Variants in TRABD observed in about 807,000 individuals in gnomAD.
TRABD encodes the protein traB domain-containing protein.
TRABD carries 23 observed loss-of-function variants against 39.6 expected under a neutral mutation model. The ratio of observed to expected loss-of-function variants is 0.58; its 90% CI spans 0.42 to 0.82. The LOEUF (loss-of-function observed/expected upper bound fraction) is 0.82, where lower values mean the gene tolerates loss of function less well. Among genes scored for constraint, TRABD ranks in the 40% least tolerant of loss-of-function variants. The pLI is 0.00. For synonymous variants in TRABD, 243 were observed against 232.1 expected, an observed-to-expected ratio of 1.05 and a Z score of -0.43; for missense variants, 487 against 544.9, an observed-to-expected ratio of 0.89 and a Z score of 1.06.
Position 50,197,928 on chromosome 22 carries a change from C to T in TRABD, c.777C>T (p.Arg259=), listed in dbSNP as rs147697891. ...PDLHRTIVSE[R]DVYLTYMLRQ... is the part of the protein sequence containing the mutation. ...TGCACCGCACCATCGTCTCGGAGCG[C>T]GACGTCTACCTAACCTACATGCTGC... Residue 259 remains arginine (R), a synonymous_variant, in exon 8 of 10, where the codon CGC becomes CGT. Coordinates refer to ENST00000380909, the MANE Select transcript of TRABD (RefSeq NM_001320485.2). The T allele has an allele frequency of 1.1e-4, 180 of 1,613,058 alleles. No individual in the cohort carries two copies. The African/African-American group carries it at 1.9e-3, about 17-fold the overall frequency.
rs770563929 is a variant in TRABD at position 50,193,126 on chromosome 22, CAG to C, written c.33+34_33+35del. 9.2e-5 allele frequency: 141 copies of C among 1,529,886 alleles called. 2 individuals are homozygous for C. Among genetic ancestry groups the C allele is most frequent in the African/African-American group, 2.6e-4 (19 of 72,486 alleles). The allele number at this position is 1,529,886 out of a possible 1,614,324, so 94.8% of individuals were successfully genotyped here. ...GGAGGCTGGGCTGGCTGCACAGAGA[CAG>C]GGGCGGGGGGCTTCCCCGCTTTGTG... is the stretch of plus-strand genomic sequence containing the variant. On this transcript the variant is annotated intron_variant, in intron 2 of 9. Transcript: ENST00000380909.
chr22:50,196,589 A>G (rs1210364299), intron 5 of TRABD, among the ~76,000 whole-genome samples: 1 of 152,240 alleles, frequency 6.6e-6, no homozygotes, highest in Admixed American at 6.5e-5. Flanking sequence ...TGACCTCAGC[A>G]GGCAGGTGTG....
chr22:50,195,044 C>T lies in TRABD; in HGVS notation c.420+4C>T, dbSNP rs770849861. 18 of 1,581,582 alleles carry T rather than the reference C, an allele frequency of 1.1e-5. No individual in the cohort carries two copies. The highest frequency in any genetic ancestry group is 2.3e-5 in the East Asian group (1 of 43,458). On this transcript the variant is annotated splice_donor_region_variant and intron_variant, in intron 5 of 9. Coordinates refer to ENST00000380909, the MANE Select transcript of TRABD (RefSeq NM_001320485.2). Reference sequence around the variant, plus strand: ...GCTGCAGCAGGCCGTGAGGCAGGTGCGCAGCCGCGGGCAAGGGTCAGGGTC... The same window carrying T: ...GCTGCAGCAGGCCGTGAGGCAGGTGTGCAGCCGCGGGCAAGGGTCAGGGTC...
At position 50,198,401 on chromosome 22, in the gene TRABD, T is replaced by C. The variant is rs759385202; in HGVS notation, c.1013T>C (p.Phe338Ser). ...TCTCGGTTGGCCGTGAAGGCCGCCT[T>C]CTTCGGCCTGCTGGGCTACAGCCTG... is the stretch of plus-strand genomic sequence containing the variant. ...RVSRLAVKAA[F>S]FGLLGYSLYW... Residue 338 changes from phenylalanine to serine, a missense_variant, in exon 10 of 10, where the codon TTC becomes TCC. Phe to Ser is a radical substitution (Grantham distance 155, BLOSUM62 -2). This residue lies in a region of TRABD where 123 missense variants were observed against 108.3 expected (regional missense o/e 1.14). Coordinates refer to ENST00000380909, the MANE Select transcript of TRABD (RefSeq NM_001320485.2). The surrounding 1 kb of genome is among the most constrained non-coding windows in gnomAD (Gnocchi z 7.9). 2.1e-5 allele frequency: 34 copies of C among 1,595,474 alleles called. No individual in the cohort carries two copies. The highest frequency in any genetic ancestry group is 2.3e-5 in the Non-Finnish European group (27 of 1,176,764).
chr22:50,199,427 C>T lies in TRABD; in HGVS notation c.*908C>T. ...TGTGCGGGGCCTCCCTCCTGGCTGTCCAGGACACAGCCCGTGCAGCCCCAG... is the reference window on the plus strand; with the variant it reads ...TGTGCGGGGCCTCCCTCCTGGCTGTTCAGGACACAGCCCGTGCAGCCCCAG... On this transcript the variant is annotated 3_prime_UTR_variant, in exon 10 of 10. Coordinates refer to ENST00000380909, the MANE Select transcript of TRABD (RefSeq NM_001320485.2). 3.1e-6 allele frequency: 1 copy of T among 321,076 alleles called. No homozygotes were observed. The highest frequency in any genetic ancestry group is 4.9e-5 in the South Asian group (1 of 20,204). 19.9% of individuals were successfully genotyped at this position (321,076 alleles called of 1,614,324 possible). A position where few individuals can be genotyped will look rare whatever the true frequency, so the allele number is the denominator to read the frequency against.
At position 50,193,615 on chromosome 22, in the gene TRABD, C is replaced by T; in HGVS notation, c.73C>T (p.Pro25Ser). The T allele has an allele frequency of 1.2e-6, 2 of 1,613,812 alleles. No homozygotes were observed. Among genetic ancestry groups the T allele is most frequent in the Non-Finnish European group, 1.7e-6 (2 of 1,179,940 alleles). ...TGTTGTGCCGTCAGAGGCTTCAGAG[C>T]CGGTGCCCAGGGTGCTTTCTGGAGA... ...EPVVPSEASE[P>S]VPRVLSGDPQ... The change falls in exon 3 of 10, where the codon CCG becomes TCG. Residue 25 changes from proline to serine, a missense_variant. By Grantham distance (74) the Pro-to-Ser change is moderately conservative. This residue lies in a region of TRABD where 358 missense variants were observed against 414.7 expected (regional missense o/e 0.86). Transcript: ENST00000380909.
chr22:50,198,671 TC>T lies in TRABD; in HGVS notation c.*157del. 1 of 659,646 alleles carries T rather than the reference TC, an allele frequency of 1.5e-6. No homozygotes were observed. Among genetic ancestry groups the T allele is most frequent in the Non-Finnish European group, 2.4e-6 (1 of 423,024 alleles). 40.9% of individuals were successfully genotyped at this position (659,646 alleles called of 1,614,324 possible). On this transcript the variant is annotated 3_prime_UTR_variant, in exon 10 of 10. Coordinates refer to ENST00000380909, the MANE Select transcript of TRABD (RefSeq NM_001320485.2). The surrounding 1 kb of genome is among the most constrained non-coding windows in gnomAD (Gnocchi z 7.9). ...CCTGCCCTCCTGGGCCAGTCACCCC[TC>T]CCCCAGCCCACCCAAATAAAGGATT...
intron 7 of TRABD, 89 bp downstream of exon 7, chr22:50,197,677 C>T: frequency 6.3e-7 from 1 of 1,579,664 alleles, no homozygotes; most frequent in East Asian, 2.3e-5. Flanking sequence ...CGCAGCCAAT[C>T]CTCACTCAAG....
At chr22:50,197,191 G>GCGGGGGGGGC in intron 5 of TRABD, 50 bp from the exon 6 acceptor site, 1 of 1,553,432 alleles carries the variant, frequency 6.4e-7, no homozygotes, top group African/African-American at 1.4e-5. Context: ...TTCCCCCAGC[G>GCGGGGGGGGC]CACCCCCGCA....
chr22:50,196,979 TG>T, intron 5 of TRABD: 1 of 475,522 alleles, frequency 2.1e-6, no homozygotes, highest in East Asian at 3.6e-5. Context: ...ATGACAGGCG[TG>T]CGCCACTGCA....
rs2064251251 is a variant in TRABD at position 50,199,582 on chromosome 22, T to C, written c.*1063T>C. 1 of 155,180 alleles carries C rather than the reference T, an allele frequency of 6.4e-6. No homozygotes were observed. Among genetic ancestry groups the C allele is most frequent in the Non-Finnish European group, 1.4e-5 (1 of 70,100 alleles). The allele number at this position is 155,180 out of a possible 1,614,324, so 9.6% of individuals were successfully genotyped here. On this transcript the variant is annotated 3_prime_UTR_variant, in exon 10 of 10. Transcript: ENST00000380909. ...TCATTCCTTAGAAACTGAAATAAAT[T>C]CTAATTTTGGAAACTCCTGTTTTGT...
chr22:50,197,192 C>CGGGGGGGGGG, intron 5 of TRABD, 49 bp from the exon 6 acceptor site: 3 of 1,562,610 alleles, frequency 1.9e-6, no homozygotes, highest in African/African-American at 1.4e-5. Flanking sequence ...TCCCCCAGCG[C>CGGGGGGGGGG]ACCCCCGCAC....
intron 5 of TRABD, 114 bp downstream of exon 5, chr22:50,195,154 C>A: frequency 7.3e-7 from 1 of 1,363,572 alleles, no homozygotes; most frequent in Non-Finnish European, 9.7e-7. Flanking sequence ...CTGTGCCTGG[C>A]CTGCCCTGGG....
intron 1 of TRABD, among the ~76,000 whole-genome samples, chr22:50,187,072 C>T (rs1014368304): frequency 6.6e-6 from 1 of 152,222 alleles, no homozygotes; most frequent in Non-Finnish European, 1.5e-5. Context: ...TTGCTGCCGC[C>T]GCCCTTGCAG....
chr22:50,196,267 G>A (rs1307360834), intron 5 of TRABD, among the ~76,000 whole-genome samples: 2 of 152,222 alleles, frequency 1.3e-5, no homozygotes, highest in Non-Finnish European at 2.9e-5. Context: ...AAGGCCTCGT[G>A]AATGTCTCAT....
At chr22:50,186,697 C>A (rs1417730340) in intron 1 of TRABD, among the ~76,000 whole-genome samples, 2 of 152,244 alleles carry the variant, frequency 1.3e-5, no homozygotes, top group African/African-American at 4.8e-5. Context: ...CCCGCTGAAA[C>A]CTGGGGCTTC....
chr22:50,197,405 G>T, intron 6 of TRABD, 44 bp from the exon 7 acceptor site: 2 of 1,612,428 alleles, frequency 1.2e-6, no homozygotes, highest in Non-Finnish European at 1.7e-6. Flanking sequence ...CACAGGGGTG[G>T]TCCGGGGTTC....
chr22:50,197,766 C>CCCCCCCCCCCCCCCCTGGG, intron 7 of TRABD, 57 bp from the exon 8 acceptor site: 1 of 925,778 alleles, frequency 1.1e-6, no homozygotes. Context: ...CAGTGCCAGC[C>CCCCCCCCCCCCCCCCTGGG]CCACCCCCCC....
intron 5 of TRABD, among the ~76,000 whole-genome samples, chr22:50,195,543 A>G (rs1009397634): frequency 6.6e-6 from 1 of 151,800 alleles, no homozygotes; most frequent in African/African-American, 2.4e-5. Context: ...GCTCACTGCA[A>G]CCTTCGCCTC....
Sources: gnomAD v4.1 joint callset for allele counts (sites outside exome capture counted in the v4.1 genomes callset) on GRCh38, gnomAD v4.1.1 for gene constraint, gnomAD v4.1.1 regional missense constraint, Gnocchi (gnomAD v3.1) non-coding constraint, MANE v1.5 for transcripts, NCBI Gene and HGNC (gene_info 2026-07-23, HGNC 2026-07-21) for gene names.